Variants in DOK5 observed in about 807,000 individuals in gnomAD.
DOK5 encodes the protein downstream of tyrosine kinase 5.
Under a neutral mutation model 43.3 loss-of-function variants are expected in DOK5, and 27 were observed. The observed-to-expected ratio is 0.62, with a 90% CI of 0.46 to 0.86. The LOEUF is 0.86. Among genes scored for constraint, DOK5 ranks in the 40% least tolerant of loss-of-function variants. The pLI is 0.00. For synonymous variants in DOK5, 146 were observed against 140.1 expected (o/e 1.04, Z -0.30); for missense variants, 373 against 392.9 (o/e 0.95, Z 0.43).
At chr20:54,513,938 T>G (rs534669623) in intron 1 of DOK5, among the ~76,000 whole-genome samples, 2 of 152,166 alleles carry the variant, frequency 1.3e-5, no homozygotes, top group Non-Finnish European at 2.9e-5. Flanking sequence ...ATTTGTGTGG[T>G]TTTGGTGACC....
At chr20:54,629,876 T>C (rs1237686137) in intron 6 of DOK5, among the ~76,000 whole-genome samples, 1 of 152,234 alleles carries the variant, frequency 6.6e-6, no homozygotes, top group African/African-American at 2.4e-5. Flanking sequence ...TGAGGCAGTC[T>C]GTGCTTTGCG....
intron 2 of DOK5, among the ~76,000 whole-genome samples, chr20:54,560,912 A>G (rs1380078733): frequency 1.3e-5 from 2 of 152,100 alleles, no homozygotes; most frequent in Admixed American, 1.3e-4. Flanking sequence ...GTGAGCCACC[A>G]TGCCCGGCCT....
At chr20:54,643,623 G>C (rs931074191) in intron 7 of DOK5, 45 bp downstream of exon 7, 5 of 1,581,644 alleles carry the variant, frequency 3.2e-6, no homozygotes, top group East Asian at 2.3e-5. Context: ...CCAGGCCTGG[G>C]AGTACTGGGG....
intron 6 of DOK5, among the ~76,000 whole-genome samples, chr20:54,629,771 C>T (rs6091938): frequency 0.024 from 3,670 of 152,220 alleles, 169 homozygotes; most frequent in African/African-American, 0.083. Context: ...AGAGAATGAC[C>T]GGGAATGGTC....
intron 1 of DOK5, among the ~76,000 whole-genome samples, chr20:54,545,887 TAG>T (rs1984325920): frequency 6.6e-6 from 1 of 152,214 alleles, no homozygotes; most frequent in Non-Finnish European, 1.5e-5. Context: ...ATCTATAAAG[TAG>T]TCGTCCAGAT....
chr20:54,530,507 A>T (rs554919627), intron 1 of DOK5, among the ~76,000 whole-genome samples: 2 of 152,266 alleles, frequency 1.3e-5, no homozygotes, highest in South Asian at 4.1e-4. Context: ...TACCTGTTTG[A>T]TTTCATTTAC....
chr20:54,572,164 C>CTT (rs1203805647), intron 2 of DOK5, among the ~76,000 whole-genome samples: 7 of 143,394 alleles, frequency 4.9e-5, no homozygotes, highest in East Asian at 4.0e-4. Context: ...TTGCAACATT[C>CTT]TTTTTTTTTT....
At chr20:54,568,973 G>C (rs568564003) in intron 2 of DOK5, among the ~76,000 whole-genome samples, 4 of 118,216 alleles carry the variant, frequency 3.4e-5, no homozygotes, top group African/African-American at 6.7e-5. Flanking sequence ...GAAATGTATG[G>C]ACTAAAACGC....
chr20:54,611,433 C>T (rs528448920), intron 6 of DOK5, among the ~76,000 whole-genome samples: 2 of 152,016 alleles, frequency 1.3e-5, no homozygotes, highest in Non-Finnish European at 2.9e-5. Flanking sequence ...TGGTGGTATG[C>T]GACTGTAGTT....
intron 2 of DOK5, among the ~76,000 whole-genome samples, chr20:54,577,072 G>A (rs1216871681): frequency 6.6e-6 from 1 of 152,152 alleles, no homozygotes; most frequent in Non-Finnish European, 1.5e-5. Flanking sequence ...GCTGTGGAGA[G>A]TAGTATTAGG....
chr20:54,626,191 A>G (rs1987124245), intron 6 of DOK5, among the ~76,000 whole-genome samples: 2 of 152,220 alleles, frequency 1.3e-5, no homozygotes, highest in African/African-American at 2.4e-5. Context: ...CAGAGTACAT[A>G]CATGGATGGG....
rs1205156937 is a variant in DOK5 at position 54,584,295 on chromosome 20, GTCATATTTTGATTCCTTCC to G, written c.175-4183_175-4165del. On this transcript the variant is annotated intron_variant, in intron 2 of 7. Coordinates refer to ENST00000262593, the MANE Select transcript of DOK5 (RefSeq NM_018431.5). ...TTTGTGATTTAAAAAATTCTTTAGG[GTCATATTTTGATTCCTTCC>G]TCATTTTCTTTTGTGTGTCTCTTAT... Among the ~76,000 whole-genome samples, 38 of 151,594 alleles carry G rather than the reference GTCATATTTTGATTCCTTCC, an allele frequency of 2.5e-4. 1 individual carries two copies. The East Asian group carries it at 6.0e-3, about 24-fold the overall frequency.
At chr20:54,647,617 A>T (rs566124219) in intron 7 of DOK5, among the ~76,000 whole-genome samples, 61 of 152,336 alleles carry the variant, frequency 4.0e-4, no homozygotes, top group African/African-American at 1.4e-3. Flanking sequence ...TGGATAAAAT[A>T]ACAGCAGTTA....
chr20:54,534,662 A>G (rs1983890480), intron 1 of DOK5, among the ~76,000 whole-genome samples: 1 of 152,216 alleles, frequency 6.6e-6, no homozygotes, highest in Non-Finnish European at 1.5e-5. Context: ...CCTGTCAACT[A>G]AGCAGTGAAG....
intron 2 of DOK5, among the ~76,000 whole-genome samples, chr20:54,586,784 T>C (rs374147461): frequency 6.6e-6 from 1 of 152,088 alleles, no homozygotes; most frequent in African/African-American, 2.4e-5. Context: ...GAGAAGGCCC[T>C]GTGCCAGGAG....
At chr20:54,595,070 G>A (rs1986094728) in intron 5 of DOK5, among the ~76,000 whole-genome samples, 2 of 152,250 alleles carry the variant, frequency 1.3e-5, no homozygotes, top group Middle Eastern at 3.4e-3. Flanking sequence ...GGCTGGGCGT[G>A]GTGGCTCATG....
At chr20:54,589,037 T>G (rs1364448221) in intron 4 of DOK5, among the ~76,000 whole-genome samples, 3 of 152,206 alleles carry the variant, frequency 2.0e-5, no homozygotes, top group African/African-American at 7.2e-5. Context: ...AGTTAGAAAT[T>G]TTGGGGAACC....
intron 1 of DOK5, among the ~76,000 whole-genome samples, chr20:54,493,075 A>C (rs1285313776): frequency 6.6e-6 from 1 of 151,318 alleles, no homozygotes; most frequent in African/African-American, 2.4e-5. Context: ...AAAAAAAAAA[A>C]AAAAAAGGGA....
At chr20:54,592,965 C>G (rs972737965) in intron 5 of DOK5, among the ~76,000 whole-genome samples, 1 of 143,532 alleles carries the variant, frequency 7.0e-6, no homozygotes, top group Non-Finnish European at 1.5e-5. Flanking sequence ...CTTGTAAAAG[C>G]AGACAGTTAT....
Sources: allele counts gnomAD v4.1 joint callset (sites outside exome capture counted in the v4.1 genomes callset), GRCh38; gene constraint gnomAD v4.1.1; transcripts MANE v1.5; gene names NCBI Gene and HGNC (gene_info 2026-07-23, HGNC 2026-07-21).